Variants in CEACAM3 observed in about 807,000 individuals in gnomAD.
CEACAM3 encodes the protein CEA cell adhesion molecule 3, also known as cell adhesion molecule CEACAM3.
In CEACAM3, 32 loss-of-function variants were observed where a neutral mutation model predicts 30.1. That is an observed-to-expected ratio of 1.06 (90% CI 0.80 to 1.43). The LOEUF is 1.43. Ranked by LOEUF, CEACAM3 falls within the 40% of genes most tolerant of loss-of-function variation. The pLI, the probability that CEACAM3 is intolerant of heterozygous loss-of-function variation, is 0.00. For missense variants in CEACAM3, 290 were observed against 316.3 expected, an observed-to-expected ratio of 0.92 and a Z score of 0.63; for synonymous variants, 134 against 127.2, an observed-to-expected ratio of 1.05 and a Z score of -0.36.
chr19:41,809,615 T>C (rs1013469170), intron 3 of CEACAM3: 38 of 237,376 alleles, frequency 1.6e-4, no homozygotes, highest in South Asian at 1.4e-3. Flanking sequence ...CTCCGTGTCC[T>C]GCACACGTGG....
intron 2 of CEACAM3, among the ~76,000 whole-genome samples, chr19:41,799,897 G>A (rs2073132207): frequency 6.6e-6 from 1 of 151,996 alleles, no homozygotes; most frequent in East Asian, 1.9e-4. Flanking sequence ...TCTAACCCCT[G>A]CCCCTAAAGC....
At chr19:41,803,708 TG>T (rs2073174671) in intron 2 of CEACAM3, among the ~76,000 whole-genome samples, 1 of 109,072 alleles carries the variant, frequency 9.2e-6, no homozygotes, top group Non-Finnish European at 2.2e-5. Flanking sequence ...CCTCATGATC[TG>T]CCCGCCTTGG....
chr19:41,807,733 C>T (rs2073214722), intron 2 of CEACAM3: 3 of 645,324 alleles, frequency 4.6e-6, no homozygotes, highest in South Asian at 2.1e-5. Context: ...CTTCCCCTTC[C>T]CTTTGATGAT....
Position 41,811,409 on chromosome 19 carries a change from C to A in CEACAM3, c.*172C>A. 1 of 620,950 alleles carries A rather than the reference C, an allele frequency of 1.6e-6. No homozygotes were observed. The highest frequency in any genetic ancestry group is 2.9e-6 in the Non-Finnish European group (1 of 348,868). 38.5% of individuals were successfully genotyped at this position (620,950 alleles called of 1,614,324 possible). Reference sequence around the variant, plus strand: ...GTCCCTGATGAATATCTGGAGACCTCGACAGCCTGCCCTAGGCCCTGGGTG... The same window carrying A: ...GTCCCTGATGAATATCTGGAGACCTAGACAGCCTGCCCTAGGCCCTGGGTG... On this transcript the variant is annotated 3_prime_UTR_variant, in exon 7 of 7. Transcript: ENST00000357396.
intron 4 of CEACAM3, 127 bp from the exon 5 acceptor site, chr19:41,810,196 G>T: frequency 1.5e-6 from 2 of 1,341,992 alleles, no homozygotes; most frequent in Non-Finnish European, 2.1e-6. Flanking sequence ...TGTGGGCTCT[G>T]GGTCATGGGT....
Position 41,797,689 on chromosome 19 carries a change from C to G in CEACAM3, c.165C>G (p.Val55=). The G allele has an allele frequency of 6.2e-7, 1 of 1,613,988 alleles. No individual in the cohort carries two copies. The highest frequency in any genetic ancestry group is 2.2e-5 in the East Asian group (1 of 44,900). Residue 55 remains valine, a synonymous_variant, in exon 2 of 7, where the codon GTC becomes GTG. Transcript: ENST00000357396. ...VAEGKEVLLL[V]HNLPQHLFGY... ...AGGGGAAGGAGGTGCTTCTACTTGTCCACAATCTGCCCCAGCATCTTTTTG... is the reference window on the plus strand; with the variant it reads ...AGGGGAAGGAGGTGCTTCTACTTGTGCACAATCTGCCCCAGCATCTTTTTG...
intron 5 of CEACAM3, 123 bp downstream of exon 5, chr19:41,810,477 G>C: frequency 8.5e-7 from 1 of 1,172,096 alleles, no homozygotes; most frequent in Non-Finnish European, 1.2e-6. Flanking sequence ...ACAGGACAAG[G>C]CTAGCCCTGC....
At chr19:41,807,953 T>C (rs1471119771) in intron 2 of CEACAM3, among the ~76,000 whole-genome samples, 18 of 151,970 alleles carry the variant, frequency 1.2e-4, no homozygotes, top group Non-Finnish European at 1.5e-5. Flanking sequence ...TGGATAAGAG[T>C]GGATCCTATG....
chr19:41,805,136 G>C (rs2073187892), intron 2 of CEACAM3, among the ~76,000 whole-genome samples: 1 of 151,902 alleles, frequency 6.6e-6, no homozygotes, highest in Admixed American at 6.6e-5. Context: ...ATGCATAAGA[G>C]ATACTCAAAC....
rs782647073 is a variant in CEACAM3 at position 41,807,260 on chromosome 19, C to A, written c.425-1553C>A. 14 of 1,608,790 alleles carry A rather than the reference C, an allele frequency of 8.7e-6. No individual in the cohort carries two copies. The Admixed American group carries it at 2.3e-4, about 27-fold the overall frequency. ...GAGCCTCCCGGTCAGTTCCAGGCTG[C>A]AGCTGTCCAATGACAAGAGGACCCT... On this transcript the variant is annotated intron_variant, in intron 2 of 6. Coordinates refer to ENST00000357396, the MANE Select transcript of CEACAM3 (RefSeq NM_001815.5).
chr19:41,796,867 T>G (rs1461197029), intron 1 of CEACAM3, 126 bp downstream of exon 1: 25 of 939,522 alleles, frequency 2.7e-5, no homozygotes, highest in Non-Finnish European at 4.0e-5. Flanking sequence ...GGAGAGAACA[T>G]CAGAGAGGGA....
At chr19:41,802,231 T>C (rs1174620274) in intron 2 of CEACAM3, among the ~76,000 whole-genome samples, 3 of 152,198 alleles carry the variant, frequency 2.0e-5, no homozygotes, top group East Asian at 1.9e-4. Context: ...TCCACCCTCA[T>C]TCAGCTATGG....
At position 41,798,178 on chromosome 19, in the gene CEACAM3, G is replaced by A. The variant is rs1010225391; in HGVS notation, c.424+230G>A. 7.6e-5 allele frequency: 55 copies of A among 724,850 alleles called. No individual in the cohort carries two copies. The East Asian group carries it at 1.6e-3, about 21-fold the overall frequency. 44.9% of individuals were successfully genotyped at this position (724,850 alleles called of 1,614,324 possible). On this transcript the variant is annotated intron_variant, in intron 2 of 6. Coordinates refer to ENST00000357396, the MANE Select transcript of CEACAM3 (RefSeq NM_001815.5). ...CTGCAGAGGAAGGACAGTCTGATGG[G>A]GGGACTCAGCAGGGCAAGGTCAGTG...
intron 2 of CEACAM3, chr19:41,807,594 C>T: frequency 1.6e-6 from 2 of 1,233,968 alleles, no homozygotes; most frequent in Non-Finnish European, 2.1e-6. Flanking sequence ...GCTCAGGGTC[C>T]ACAGCCTGTG....
Position 41,796,596 on chromosome 19 carries a change from TA to T in CEACAM3, c.-80del. The T allele has an allele frequency of 6.6e-7, 1 of 1,521,472 alleles. No homozygotes were observed. The highest frequency in any genetic ancestry group is 9.1e-7 in the Non-Finnish European group (1 of 1,097,816). 94.2% of individuals were successfully genotyped at this position (1,521,472 alleles called of 1,614,324 possible). The stretch of plus-strand genomic sequence containing the variant: ...TGGAAAGAGGAAGGACAGCAGAGCC[TA>T]AGTCACAGTAGCCCTGACTACAGCA... On this transcript the variant is annotated 5_prime_UTR_variant, in exon 1 of 7. Coordinates refer to ENST00000357396, the MANE Select transcript of CEACAM3 (RefSeq NM_001815.5).
intron 2 of CEACAM3, among the ~76,000 whole-genome samples, chr19:41,803,569 C>T: frequency 6.6e-6 from 1 of 151,896 alleles, no homozygotes; most frequent in East Asian, 1.9e-4. Context: ...TGGGTTCACG[C>T]CATTCTCCTG....
rs368287171 is a variant in CEACAM3 at position 41,811,337 on chromosome 19, A to T, written c.*100A>T. Reference sequence around the variant, plus strand: ...TGAAGCCTGAGCCAGAGAACCAGCTATAAGTCCTGAGAAGACACTGGTGTC... The same window carrying T: ...TGAAGCCTGAGCCAGAGAACCAGCTTTAAGTCCTGAGAAGACACTGGTGTC... On this transcript the variant is annotated 3_prime_UTR_variant, in exon 7 of 7. Coordinates refer to ENST00000357396, the MANE Select transcript of CEACAM3 (RefSeq NM_001815.5). The T allele has an allele frequency of 6.8e-6, 7 of 1,033,774 alleles. No individual in the cohort carries two copies. Among genetic ancestry groups the T allele is most frequent in the Non-Finnish European group, 1.0e-5 (7 of 667,760 alleles). 64.0% of individuals were successfully genotyped at this position (1,033,774 alleles called of 1,614,324 possible). A position where few individuals can be genotyped will look rare whatever the true frequency, so the allele number is the denominator to read the frequency against.
intron 2 of CEACAM3, among the ~76,000 whole-genome samples, chr19:41,804,290 C>G (rs891808219): frequency 2.2e-4 from 34 of 152,268 alleles, no homozygotes; most frequent in African/African-American, 7.9e-4. Flanking sequence ...ATGTGTCCCT[C>G]ATGATGATGC....
intron 2 of CEACAM3, among the ~76,000 whole-genome samples, chr19:41,803,657 G>A (rs539681829): frequency 8.6e-5 from 11 of 128,054 alleles, no homozygotes; most frequent in Admixed American, 4.5e-4. Context: ...TAGTAGAGAC[G>A]GAGTTTCACC....
Sources: allele counts gnomAD v4.1 joint callset (sites outside exome capture counted in the v4.1 genomes callset), GRCh38; gene constraint gnomAD v4.1.1; transcripts MANE v1.5; gene names NCBI Gene and HGNC (gene_info 2026-07-23, HGNC 2026-07-21).